SLC37A1: variants seen among roughly 807,000 people sequenced by gnomAD.
SLC37A1 encodes glucose-6-phosphate exchanger SLC37A1.
SLC37A1 carries 49 observed loss-of-function variants against 75.3 expected under a neutral mutation model. The observed-to-expected ratio is 0.65, with a 90% CI of 0.52 to 0.83. The LOEUF is 0.83. Among genes scored for constraint, SLC37A1 ranks in the 40% least tolerant of loss-of-function variants. The pLI, the probability that SLC37A1 is intolerant of heterozygous loss-of-function variation, is 0.00. For synonymous variants in SLC37A1, 268 were observed against 292.1 expected (o/e 0.92, Z 0.84); for missense variants, 566 against 695.0 (o/e 0.81, Z 2.09).
At chr21:42,527,632 C>T (rs550946811) in intron 3 of SLC37A1, among the ~76,000 whole-genome samples, 1 of 152,310 alleles carries the variant, frequency 6.6e-6, no homozygotes, top group Non-Finnish European at 1.5e-5. Flanking sequence ...GTTCCCCAGG[C>T]AGGGCTGCCA....
chr21:42,579,760 G>C lies in SLC37A1; in HGVS notation c.1546G>C (p.Glu516Gln). Residue 516 changes from glutamate to glutamine, a missense_variant, in exon 19 of 20, where the codon GAG becomes CAG. By Grantham distance (29) the Glu-to-Gln change is conservative (BLOSUM62 2). Coordinates refer to ENST00000352133, the MANE Select transcript of SLC37A1 (RefSeq NM_001320537.2). ...LLFLIRLIHKELSCPGSATGD... is the reference protein window; with the variant it reads ...LLFLIRLIHKQLSCPGSATGD... The stretch of plus-strand genomic sequence containing the variant: ...GTTCCTGATCCGCCTCATACACAAG[G>C]AGCTGAGCTGCCCAGGGTCAGCTAC... 1 of 1,614,180 alleles carries C rather than the reference G, an allele frequency of 6.2e-7. No individual in the cohort carries two copies. The highest frequency in any genetic ancestry group is 1.3e-5 in the African/African-American group (1 of 75,062).
At position 42,581,417 on chromosome 21, in the gene SLC37A1, G is replaced by A. The variant is rs1040734312; in HGVS notation, c.*1057G>A. 1 of 152,418 alleles carries A rather than the reference G, an allele frequency of 6.6e-6. No homozygotes were observed. Among genetic ancestry groups the A allele is most frequent in the African/African-American group, 2.4e-5 (1 of 41,372 alleles). The allele number at this position is 152,418 out of a possible 1,614,324, so 9.4% of individuals were successfully genotyped here. ...CTGCCCTTTGAAATAAAATGTTTTT[G>A]TTTAAAAAATCTCAGAACACTCAGA... is the stretch of plus-strand genomic sequence containing the variant. On this transcript the variant is annotated 3_prime_UTR_variant, in exon 20 of 20. Transcript: ENST00000352133.
chr21:42,518,561 G>A, intron 2 of SLC37A1, 51 bp downstream of exon 2: 2 of 1,600,082 alleles, frequency 1.2e-6, no homozygotes, highest in Middle Eastern at 1.7e-4. Flanking sequence ...ATAGGTGAGG[G>A]CTACTGTGCA....
chr21:42,560,509 G>GA (rs1273850654), intron 11 of SLC37A1: 1 of 152,342 alleles, frequency 6.6e-6, no homozygotes, highest in Non-Finnish European at 1.5e-5. Context: ...GTCAGGGCTG[G>GA]AAGTATAAAC....
chr21:42,531,369 G>A (rs2054975194), intron 3 of SLC37A1, among the ~76,000 whole-genome samples: 2 of 150,320 alleles, frequency 1.3e-5, no homozygotes, highest in African/African-American at 4.9e-5. Context: ...TTGCATGGAC[G>A]CTTTAGCAGC....
Position 42,514,017 on chromosome 21 carries a change from C to A in SLC37A1, c.-879C>A, listed in dbSNP as rs1263379503. The A allele has an allele frequency of 1.3e-5, 2 of 148,662 alleles. No homozygotes were observed. Among genetic ancestry groups the A allele is most frequent in the Non-Finnish European group, 3.0e-5 (2 of 66,924 alleles). 9.2% of individuals were successfully genotyped at this position (148,662 alleles called of 1,614,324 possible). Reference sequence around the variant, plus strand: ...GCAGCCGGCGCTCAGGCGCCGCAGCCGCTCAGCACCTGCGGCGCCCTCAGG... The same window carrying A: ...GCAGCCGGCGCTCAGGCGCCGCAGCAGCTCAGCACCTGCGGCGCCCTCAGG... On this transcript the variant is annotated 5_prime_UTR_variant, in exon 1 of 20. Transcript: ENST00000352133. This position sits in a 1 kb window ranked among gnomAD's most constrained non-coding sequence, Gnocchi z 4.8.
At chr21:42,525,951 A>G in intron 3 of SLC37A1, 94 bp downstream of exon 3, 1 of 844,138 alleles carries the variant, frequency 1.2e-6, no homozygotes, top group East Asian at 2.5e-5. Context: ...TAGCAGGTAC[A>G]TGGGGAAACA....
At chr21:42,556,368 C>T (rs546970563) in intron 10 of SLC37A1, among the ~76,000 whole-genome samples, 42 of 152,350 alleles carry the variant, frequency 2.8e-4, no homozygotes, top group Non-Finnish European at 3.7e-4. Flanking sequence ...TTGAATGTGA[C>T]TCCACCGTGC....
chr21:42,544,586 G>C (rs965855215), intron 8 of SLC37A1, among the ~76,000 whole-genome samples: 4 of 152,220 alleles, frequency 2.6e-5, no homozygotes, highest in African/African-American at 9.6e-5. Context: ...CAAAAAGTGG[G>C]GGCCCCGGGC....
At position 42,579,820 on chromosome 21, in the gene SLC37A1, T is replaced by C. The variant is rs751236178; in HGVS notation, c.1586+20T>C. 2.5e-6 allele frequency: 4 copies of C among 1,613,376 alleles called. No individual in the cohort carries two copies. The highest frequency in any genetic ancestry group is 3.4e-6 in the Non-Finnish European group (4 of 1,179,588). On this transcript the variant is annotated intron_variant, in intron 19 of 19. Transcript: ENST00000352133. The stretch of plus-strand genomic sequence containing the variant: ...AGTTCCGTAAGTCCCACTCGGGCCC[T>C]GTCTCCGTGCGTGAAAGCCGGCTCC...
At chr21:42,527,882 C>T (rs184259646) in intron 3 of SLC37A1, among the ~76,000 whole-genome samples, 4 of 152,272 alleles carry the variant, frequency 2.6e-5, no homozygotes, top group Non-Finnish European at 4.4e-5. Context: ...CACACCACAT[C>T]AAAACTAAAC....
intron 18 of SLC37A1, 175 bp downstream of exon 18, chr21:42,575,090 T>C: frequency 2.0e-6 from 2 of 985,446 alleles, no homozygotes; most frequent in Non-Finnish European, 2.4e-6. Flanking sequence ...TTAGAAAAAG[T>C]CAGAAACAGA....
chr21:42,579,680 C>T (rs899243470), intron 18 of SLC37A1, 56 bp from the exon 19 acceptor site: 18 of 1,601,366 alleles, frequency 1.1e-5, no homozygotes, highest in Middle Eastern at 1.7e-4. Flanking sequence ...GCCCACGGCG[C>T]GGGCCGCCCT....
intron 16 of SLC37A1, 125 bp downstream of exon 16, chr21:42,567,183 T>C: frequency 2.2e-6 from 2 of 926,898 alleles, no homozygotes; most frequent in Non-Finnish European, 3.3e-6. Context: ...GCAGCTCACC[T>C]ACACCTGTGG....
chr21:42,501,244 C>G (rs1441465390), intron 1 of SLC37A1, among the ~76,000 whole-genome samples: 1 of 152,156 alleles, frequency 6.6e-6, no homozygotes, highest in East Asian at 1.9e-4. Flanking sequence ...TTTTCTTTTT[C>G]TTGTTTTTTT....
At chr21:42,567,567 G>A (rs2056011763) in intron 16 of SLC37A1, among the ~76,000 whole-genome samples, 1 of 152,224 alleles carries the variant, frequency 6.6e-6, no homozygotes, top group African/African-American at 2.4e-5. Flanking sequence ...AGCCTTCACG[G>A]GGTAGAGGCA....
chr21:42,507,914 G>A (rs1345807915), intron 2 of SLC37A1, among the ~76,000 whole-genome samples: 1 of 152,162 alleles, frequency 6.6e-6, no homozygotes. Context: ...GTTTCAACAT[G>A]AGATTTGGAG....
chr21:42,564,915 C>T, intron 14 of SLC37A1, 122 bp downstream of exon 14: 1 of 836,102 alleles, frequency 1.2e-6, no homozygotes, highest in South Asian at 1.6e-5. Context: ...CGCTTCATTC[C>T]CTCTCATGCC....
upstream of SLC37A1, chr21:42,509,197 T>C (rs1236796886): frequency 6.6e-6 from 1 of 152,232 alleles, no homozygotes; most frequent in Non-Finnish European, 1.5e-5. The surrounding 1 kb of genome is among the most constrained non-coding windows in gnomAD (Gnocchi z 4.2). Flanking sequence ...GTTCCCTATA[T>C]TTCTAAATAA....
Sources: gnomAD v4.1 joint callset for allele counts (sites outside exome capture counted in the v4.1 genomes callset) on GRCh38, gnomAD v4.1.1 for gene constraint, Gnocchi (gnomAD v3.1) non-coding constraint, MANE v1.5 for transcripts, NCBI Gene and HGNC (gene_info 2026-07-23, HGNC 2026-07-21) for gene names.